PROM1: variants seen among roughly 807,000 people sequenced by gnomAD.
The protein encoded by PROM1 is prominin 1.
PROM1 carries 105 observed loss-of-function variants against 116.9 expected under a neutral mutation model. The observed-to-expected ratio is 0.90, with a 90% CI of 0.77 to 1.06. PROM1 has a LOEUF of 1.06. Ranked by LOEUF, PROM1 falls within the 50% of genes least tolerant of loss-of-function variation. PROM1 has a pLI of 0.00. For synonymous variants in PROM1, 393 were observed against 387.0 expected, an observed-to-expected ratio of 1.02 and a Z score of -0.18; for missense variants, 1,122 against 1,045.2, an observed-to-expected ratio of 1.07 and a Z score of -1.01.
At chr4:16,046,705 G>C (rs1578199824) in intron 2 of PROM1, among the ~76,000 whole-genome samples, 1 of 152,312 alleles carries the variant, frequency 6.6e-6, no homozygotes, top group East Asian at 1.9e-4. Flanking sequence ...CTGGTGCAAA[G>C]CCAGTCACTT....
At chr4:15,971,646 T>G (rs778467352) in intron 26 of PROM1, 1 of 152,256 alleles carries the variant, frequency 6.6e-6, no homozygotes, top group Non-Finnish European at 1.5e-5. Context: ...AGGGGGAGAC[T>G]AGTGAACTCC....
rs370477050 is a variant in PROM1 at position 15,980,542 on chromosome 4, GA to G, written c.2374-6del. 22 of 1,462,104 alleles carry G rather than the reference GA, an allele frequency of 1.5e-5. No homozygotes were observed. The highest frequency in any genetic ancestry group is 2.1e-5 in the Admixed American group (1 of 46,988). The allele number at this position is 1,462,104 out of a possible 1,614,324, so 90.6% of individuals were successfully genotyped here. The stretch of plus-strand genomic sequence containing the variant: ...TATGCCAAACCAAAACAAATTCTAG[GA>G]AAAAAAAATCAGAAGAATTAAATGT... On this transcript the variant is annotated splice_polypyrimidine_tract_variant and splice_region_variant and intron_variant, in intron 23 of 27. Transcript: ENST00000447510.
At chr4:16,052,769 C>T (rs928754235) in intron 2 of PROM1, among the ~76,000 whole-genome samples, 15 of 152,192 alleles carry the variant, frequency 9.9e-5, no homozygotes, top group African/African-American at 3.6e-4. Flanking sequence ...GTGTGAGCCA[C>T]AGGGCCTGGC....
intron 23 of PROM1, among the ~76,000 whole-genome samples, chr4:15,982,948 A>G (rs937154556): frequency 1.3e-5 from 2 of 152,192 alleles, no homozygotes; most frequent in Non-Finnish European, 2.9e-5. Flanking sequence ...ACAGGGCAAT[A>G]GGGATGAACT....
chr4:16,011,281 T>A (rs959184318), intron 11 of PROM1, among the ~76,000 whole-genome samples: 1 of 152,114 alleles, frequency 6.6e-6, no homozygotes, highest in Non-Finnish European at 1.5e-5. Flanking sequence ...TGCCAGAGTG[T>A]GACAACAAGT....
intron 2 of PROM1, among the ~76,000 whole-genome samples, chr4:16,073,309 T>G (rs1743212997): frequency 6.6e-6 from 1 of 152,180 alleles, no homozygotes; most frequent in African/African-American, 2.4e-5. Context: ...ATAAACAATA[T>G]ATAGGACTCA....
At position 15,968,442 on chromosome 4, in the gene PROM1, G is replaced by T. The variant is rs546626751; in HGVS notation, c.*951C>A. On this transcript the variant is annotated 3_prime_UTR_variant, in exon 28 of 28. Transcript: ENST00000447510. ...CCTTGTGCTTTCATGCAAATTTAGG[G>T]ACCAAACTCAAAGGTTTCATCCATG... The T allele has an allele frequency of 6.6e-6, 1 of 152,226 alleles. No individual in the cohort carries two copies. Among genetic ancestry groups the T allele is most frequent in the African/African-American group, 2.4e-5 (1 of 41,540 alleles). 9.4% of individuals were successfully genotyped at this position (152,226 alleles called of 1,614,324 possible).
chr4:16,061,188 A>G (rs770296850), intron 2 of PROM1, among the ~76,000 whole-genome samples: 3 of 128,876 alleles, frequency 2.3e-5, no homozygotes, highest in Non-Finnish European at 5.5e-5. Flanking sequence ...TGAATTCTAC[A>G]GGAAAAATGG....
intron 13 of PROM1, among the ~76,000 whole-genome samples, chr4:16,006,244 G>A (rs1313122166): frequency 6.6e-6 from 1 of 152,260 alleles, no homozygotes. Context: ...AAGTCTAGCT[G>A]CTTTTAAAAG....
At chr4:16,049,068 T>G (rs76306181) in intron 2 of PROM1, among the ~76,000 whole-genome samples, 6,873 of 152,260 alleles carry the variant, frequency 0.045, 381 homozygotes, top group African/African-American at 0.13. Context: ...ATGGGCCGGG[T>G]TCCTGTGCTG....
chr4:16,078,408 G>C (rs1422984351), intron 1 of PROM1: 1 of 152,280 alleles, frequency 6.6e-6, no homozygotes, highest in Non-Finnish European at 1.5e-5. Flanking sequence ...AGGGCCTTCA[G>C]CCTAATCCAG....
intron 2 of PROM1, among the ~76,000 whole-genome samples, chr4:16,040,689 C>A (rs1735014974): frequency 6.6e-6 from 1 of 152,208 alleles, no homozygotes; most frequent in Non-Finnish European, 1.5e-5. Context: ...CGTCCCTACT[C>A]TCAAAGGACC....
chr4:16,038,353 GAA>G (rs1322365732), intron 3 of PROM1, among the ~76,000 whole-genome samples: 1 of 152,178 alleles, frequency 6.6e-6, no homozygotes, highest in Non-Finnish European at 1.5e-5. Flanking sequence ...TCAGCTAAAA[GAA>G]AAGTAGCGTA....
chr4:16,026,524 A>G (rs1193753477), intron 5 of PROM1, among the ~76,000 whole-genome samples: 1 of 152,192 alleles, frequency 6.6e-6, no homozygotes, highest in East Asian at 1.9e-4. Flanking sequence ...GATGCAGAAA[A>G]TCAATACATT....
chr4:16,081,925 GAA>G (rs1560642666), intron 1 of PROM1, among the ~76,000 whole-genome samples: 1 of 17,894 alleles, frequency 5.6e-5, no homozygotes. Context: ...AAAAAAACAA[GAA>G]TAAACTAAAG....
At chr4:16,018,282 AG>A in intron 9 of PROM1, 40 bp downstream of exon 9, 9 of 1,592,158 alleles carry the variant, frequency 5.7e-6, no homozygotes, top group Non-Finnish European at 7.7e-6. Flanking sequence ...GGCAATCCCC[AG>A]CATGCAGCCC....
At chr4:16,050,027 C>G (rs1229405656) in intron 2 of PROM1, among the ~76,000 whole-genome samples, 1 of 151,984 alleles carries the variant, frequency 6.6e-6, no homozygotes, top group Non-Finnish European at 1.5e-5. Context: ...CTTTGAGAGG[C>G]CAAGGTGGGC....
chr4:16,045,094 G>C (rs566323960), intron 2 of PROM1, among the ~76,000 whole-genome samples: 2 of 152,016 alleles, frequency 1.3e-5, no homozygotes, highest in Admixed American at 1.3e-4. Flanking sequence ...ACTCTTCCCT[G>C]CCGGCCCTCA....
intron 13 of PROM1, among the ~76,000 whole-genome samples, chr4:16,000,950 C>T (rs1723672767): frequency 6.6e-6 from 1 of 152,098 alleles, no homozygotes; most frequent in African/African-American, 2.4e-5. Context: ...CCTGGGGACC[C>T]ACGAGGGGTA....
Sources: gnomAD v4.1 joint callset for allele counts (sites outside exome capture counted in the v4.1 genomes callset) on GRCh38, gnomAD v4.1.1 for gene constraint, MANE v1.5 for transcripts, NCBI Gene and HGNC (gene_info 2026-07-23, HGNC 2026-07-21) for gene names.